The following HOOK3 variants were observed in gnomAD, a reference collection of about 807,000 sequenced individuals.
HOOK3 encodes the protein protein Hook homolog 3.
A neutral mutation model predicts 116.3 loss-of-function variants in HOOK3; 24 were observed. The observed-to-expected ratio is 0.21, with a 90% CI of 0.15 to 0.29. HOOK3 has a LOEUF of 0.29. Ranked by LOEUF, HOOK3 falls within the 10% of genes least tolerant of loss-of-function variation. The pLI is 1.00. For synonymous variants in HOOK3, 275 were observed against 283.0 expected, an observed-to-expected ratio of 0.97 and a Z score of 0.28; for missense variants, 632 against 830.2, an observed-to-expected ratio of 0.76 and a Z score of 2.93.
At chr8:42,936,671 T>G (rs193023591) in intron 4 of HOOK3, among the ~76,000 whole-genome samples, 3 of 152,362 alleles carry the variant, frequency 2.0e-5, no homozygotes, top group African/African-American at 7.2e-5. Context: ...TCATTGGTTC[T>G]GTTTATGTGA....
chr8:42,966,531 T>C lies in HOOK3; in HGVS notation c.838T>C (p.Ser280Pro). 1.2e-6 allele frequency: 2 copies of C among 1,614,138 alleles called. No homozygotes were observed. The highest frequency in any genetic ancestry group is 1.7e-6 in the Non-Finnish European group (2 of 1,179,980). The change falls in exon 10 of 22, where the codon TCT becomes CCT. Residue 280 changes from serine to proline, a missense_variant. By Grantham distance (74) the Ser-to-Pro change is moderately conservative. Coordinates refer to ENST00000307602, the MANE Select transcript of HOOK3 (RefSeq NM_032410.4). ...IRCEELEKEI[S>P]ELRQQNDELT... ...TTGTGAAGAGTTAGAAAAGGAGATC[T>C]CTGAACTTCGGCAACAGAATGATGA...
At chr8:42,958,596 G>GTTTTTTTT (rs71550434) in intron 7 of HOOK3, among the ~76,000 whole-genome samples, 5 of 106,338 alleles carry the variant, frequency 4.7e-5, no homozygotes, top group South Asian at 6.6e-4. Flanking sequence ...GTTTTTGATA[G>GTTTTTTTT]TTTTTTTTTT....
intron 5 of HOOK3, 114 bp downstream of exon 5, chr8:42,943,559 C>T (rs1228616658): frequency 3.2e-6 from 2 of 621,024 alleles, no homozygotes; most frequent in Non-Finnish European, 4.7e-6. Context: ...TAAGGTCACC[C>T]CCAAAGAATG....
At chr8:42,925,817 C>T (rs1405953788) in intron 3 of HOOK3, among the ~76,000 whole-genome samples, 188 bp downstream of exon 3, 3 of 152,130 alleles carry the variant, frequency 2.0e-5, no homozygotes, top group Admixed American at 6.5e-5. Context: ...GAGTCAGTAA[C>T]GCATAGCAAC....
intron 6 of HOOK3, among the ~76,000 whole-genome samples, chr8:42,951,944 A>C (rs76180994): frequency 0.021 from 3,184 of 152,324 alleles, 118 homozygotes; most frequent in African/African-American, 0.073. Context: ...TCTCAAAAAA[A>C]AAAAGAAAAA....
Position 42,897,122 on chromosome 8 carries a change from G to A in HOOK3, c.-10G>A. On this transcript the variant is annotated 5_prime_UTR_variant, in exon 1 of 22. Transcript: ENST00000307602. ...CAGGCGGTAGGCGCTGCCTGGCCGCGGCGGGGAAGATGTTCAGCGTAGAGT... is the reference window on the plus strand; with the variant it reads ...CAGGCGGTAGGCGCTGCCTGGCCGCAGCGGGGAAGATGTTCAGCGTAGAGT... The A allele has an allele frequency of 8.0e-7, 1 of 1,244,956 alleles. No individual in the cohort carries two copies. The highest frequency in any genetic ancestry group is 1.0e-6 in the Non-Finnish European group (1 of 989,278). 77.1% of individuals were successfully genotyped at this position (1,244,956 alleles called of 1,614,324 possible). A position where few individuals can be genotyped will look rare whatever the true frequency, so the allele number is the denominator to read the frequency against.
At chr8:42,936,206 AT>A (rs1807967663) in intron 4 of HOOK3, among the ~76,000 whole-genome samples, 1 of 152,174 alleles carries the variant, frequency 6.6e-6, no homozygotes, top group South Asian at 2.1e-4. Context: ...TTATTGGTGT[AT>A]AGGAATGCTT....
At chr8:42,946,388 A>T (rs1808226844) in intron 5 of HOOK3, among the ~76,000 whole-genome samples, 1 of 152,208 alleles carries the variant, frequency 6.6e-6, no homozygotes. Flanking sequence ...TCTCTGAGGA[A>T]TTAAAAAACC....
At chr8:42,976,030 GTATA>G in intron 13 of HOOK3, among the ~76,000 whole-genome samples, 1 of 143,582 alleles carries the variant, frequency 7.0e-6, no homozygotes, top group African/African-American at 2.8e-5. Context: ...ATGTGTGTGT[GTATA>G]TATATATGTG....
intron 2 of HOOK3, among the ~76,000 whole-genome samples, chr8:42,906,497 C>T (rs1807313890): frequency 6.6e-6 from 1 of 152,102 alleles, no homozygotes; most frequent in Non-Finnish European, 1.5e-5. Context: ...TATTTTTTGG[C>T]ATATGCTTGG....
intron 2 of HOOK3, among the ~76,000 whole-genome samples, chr8:42,915,759 C>A (rs1204066825): frequency 1.3e-5 from 2 of 152,160 alleles, no homozygotes; most frequent in African/African-American, 4.8e-5. Context: ...ATGGTCCATT[C>A]TCAGTTCTTC....
chr8:42,921,757 G>A (rs1248105405), intron 2 of HOOK3, among the ~76,000 whole-genome samples: 2 of 152,322 alleles, frequency 1.3e-5, no homozygotes, highest in South Asian at 2.1e-4. Flanking sequence ...TGCTTGGACT[G>A]AAGTGATACA....
At chr8:42,957,202 A>G in intron 7 of HOOK3, 46 bp downstream of exon 7, 6 of 1,205,984 alleles carry the variant, frequency 5.0e-6, no homozygotes, top group Non-Finnish European at 7.2e-6. Flanking sequence ...GTTGAAAAGG[A>G]TAAGCATCAG....
At chr8:42,939,570 G>T (rs1290277813) in intron 4 of HOOK3, among the ~76,000 whole-genome samples, 1 of 143,478 alleles carries the variant, frequency 7.0e-6, no homozygotes, top group Non-Finnish European at 1.5e-5. Flanking sequence ...CCGAGCGGGG[G>T]GCTGACCCCC....
intron 2 of HOOK3, among the ~76,000 whole-genome samples, chr8:42,915,537 T>A (rs944581873): frequency 6.6e-6 from 1 of 152,110 alleles, no homozygotes; most frequent in African/African-American, 2.4e-5. Flanking sequence ...GTTCAAGCGA[T>A]TCTCCTGCCC....
At chr8:42,918,578 T>TCCG (rs1807577362) in intron 2 of HOOK3, among the ~76,000 whole-genome samples, 1 of 152,064 alleles carries the variant, frequency 6.6e-6, no homozygotes, top group African/African-American at 2.4e-5. Flanking sequence ...CCTGCCGCCT[T>TCCG]CCGCAGTGTT....
chr8:42,987,980 C>G (rs1809079829), intron 15 of HOOK3, among the ~76,000 whole-genome samples: 1 of 152,004 alleles, frequency 6.6e-6, no homozygotes, highest in East Asian at 1.9e-4. Flanking sequence ...TTGGCTTCTC[C>G]CAGTTGGAGG....
chr8:42,996,708 T>G (rs1418819513), intron 15 of HOOK3, among the ~76,000 whole-genome samples: 1 of 152,140 alleles, frequency 6.6e-6, no homozygotes, highest in Admixed American at 6.5e-5. Context: ...AACTCATAGA[T>G]GTTTTATTTA....
At chr8:42,985,736 G>A (rs1352252240) in intron 14 of HOOK3, among the ~76,000 whole-genome samples, 2 of 147,128 alleles carry the variant, frequency 1.4e-5, no homozygotes, top group Non-Finnish European at 3.0e-5. Context: ...CAGAGACCCC[G>A]TCTCAAAAAA....
Sources: allele counts gnomAD v4.1 joint callset (sites outside exome capture counted in the v4.1 genomes callset), GRCh38; gene constraint gnomAD v4.1.1; transcripts MANE v1.5; gene names NCBI Gene and HGNC (gene_info 2026-07-23, HGNC 2026-07-21).